Variants in HERC2 observed in about 807,000 individuals in gnomAD.
The protein encoded by HERC2 is E3 ubiquitin-protein ligase HERC2.
A neutral mutation model predicts 537.7 loss-of-function variants in HERC2; 102 were observed. The ratio of observed to expected loss-of-function variants is 0.19; its 90% CI spans 0.16 to 0.22. The LOEUF (loss-of-function observed/expected upper bound fraction) is 0.22. HERC2 is among the 10% of genes least tolerant of loss of function. The probability of loss-of-function intolerance (pLI) is 1.00; values close to 1 mark genes in which losing one functional copy is unlikely to be tolerated. For missense variants in HERC2, 4,236 were observed against 6,198.2 expected, an observed-to-expected ratio of 0.68 and a Z score of 10.63; for synonymous variants, 2,224 against 2,466.2, an observed-to-expected ratio of 0.90 and a Z score of 2.91.
At chr15:28,248,508 G>A in intron 21 of HERC2, 44 bp downstream of exon 21, 1 of 1,478,686 alleles carries the variant, frequency 6.8e-7, no homozygotes, top group Non-Finnish European at 9.4e-7. Context: ...AAAGTAACGA[G>A]CCCCGATCAC....
At chr15:28,211,741 T>A (rs573911635) in intron 43 of HERC2, among the ~76,000 whole-genome samples, 1 of 152,200 alleles carries the variant, frequency 6.6e-6, no homozygotes, top group African/African-American at 2.4e-5. Flanking sequence ...GTGATTTGCA[T>A]GCACTGCACC....
At position 28,229,209 on chromosome 15, in the gene HERC2, T is replaced by C; in HGVS notation, c.5258A>G (p.Lys1753Arg). The change falls in exon 34 of 93, where the codon AAA becomes AGA. Residue 1753 changes from lysine to arginine, a missense_variant. Lys to Arg is a conservative substitution (Grantham distance 26). Transcript: ENST00000261609. ...TATTGACTCACCAAGCTCTTTAAAT[T>C]TGGCACTGGCATCCATCAAAACATT... The part of the protein sequence containing the change: ...IRNVLMDASA[K>R]FKELGIQPVP... 1.2e-6 allele frequency: 2 copies of C among 1,612,658 alleles called. No homozygotes were observed. Among genetic ancestry groups the C allele is most frequent in the Non-Finnish European group, 1.7e-6 (2 of 1,179,726 alleles).
At chr15:28,272,585 G>A (rs2075765892) in intron 8 of HERC2, among the ~76,000 whole-genome samples, 199 bp from the exon 9 acceptor site, 1 of 151,632 alleles carries the variant, frequency 6.6e-6, no homozygotes, top group African/African-American at 2.4e-5. Context: ...CTGCTCATAA[G>A]AAAGACCAGT....
chr15:28,150,519 AG>A (rs1368443401), intron 70 of HERC2, among the ~76,000 whole-genome samples: 1 of 150,020 alleles, frequency 6.7e-6, no homozygotes, highest in East Asian at 2.0e-4. Flanking sequence ...CACCGAGAAC[AG>A]CCACATGAAC....
rs181686318 is a variant in HERC2, at chr15:28,269,492, T to C, written c.1258-56A>G. 452 of 1,406,090 alleles carry C rather than the reference T, an allele frequency of 3.2e-4. 2 individuals carry two copies. The African/African-American group carries it at 6.0e-3, about 19-fold the overall frequency. 87.1% of individuals were successfully genotyped at this position (1,406,090 alleles called of 1,614,324 possible). A position where few individuals can be genotyped will look rare whatever the true frequency, so the allele number is the denominator to read the frequency against. ...AACAACAACAACAATAAAAAAAGGC[T>C]GGGAGTAACACTGAGCTACTACAAA... On this transcript the variant is annotated intron_variant, in intron 10 of 92. Transcript: ENST00000261609.
chr15:28,279,533 G>A (rs962407899), intron 5 of HERC2, among the ~76,000 whole-genome samples: 3 of 151,806 alleles, frequency 2.0e-5, no homozygotes, highest in African/African-American at 7.3e-5. Context: ...AGAGCCAGGC[G>A]CAGTGTCTCA....
intron 79 of HERC2, 28 bp from the exon 80 acceptor site, chr15:28,132,858 A>G: frequency 4.0e-6 from 6 of 1,494,738 alleles, no homozygotes; most frequent in Non-Finnish European, 5.4e-6. Context: ...AATATAATGG[A>G]AACACATTTT....
chr15:28,229,777 T>C lies in HERC2; in HGVS notation c.4880A>G (p.Gln1627Arg), dbSNP rs752286727. The C allele has an allele frequency of 2.1e-6, 3 of 1,449,640 alleles. No individual in the cohort carries two copies. The highest frequency in any genetic ancestry group is 2.9e-6 in the Non-Finnish European group (3 of 1,031,928). The allele number at this position is 1,449,640 out of a possible 1,614,324, so 89.8% of individuals were successfully genotyped here. A position where few individuals can be genotyped will look rare whatever the true frequency, so the allele number is the denominator to read the frequency against. Reference sequence around the variant, plus strand: ...GAGTGGAGACTGCGGATAAAGACCCTGCACATTCTGCTTCAACCACTTGTA... The same window carrying C: ...GAGTGGAGACTGCGGATAAAGACCCCGCACATTCTGCTTCAACCACTTGTA... ...HKYKWLKQNVQGLYPQSPLLS... is the reference protein window; with the variant it reads ...HKYKWLKQNVRGLYPQSPLLS... The change falls in exon 32 of 93, where the codon CAG (glutamine) becomes CGG (arginine). Residue 1627 changes from glutamine (Q) to arginine (R), a missense_variant. Around this residue, in one of 27 missense-constraint regions of HERC2, gnomAD observed 343 missense variants for 417.2 expected, o/e 0.82. Coordinates refer to ENST00000261609, the MANE Select transcript of HERC2 (RefSeq NM_004667.6).
chr15:28,236,308 G>C (rs865861591), intron 26 of HERC2, among the ~76,000 whole-genome samples: 3 of 151,330 alleles, frequency 2.0e-5, no homozygotes, highest in Non-Finnish European at 1.5e-5. Flanking sequence ...CTCTCCTTTT[G>C]AGACGGAGTC....
At chr15:28,225,507 T>G (rs922059842) in intron 35 of HERC2, among the ~76,000 whole-genome samples, 12 of 151,484 alleles carry the variant, frequency 7.9e-5, no homozygotes, top group Non-Finnish European at 1.2e-4. Context: ...ACCATCCTGG[T>G]CAACACGGTG....
intron 2 of HERC2, among the ~76,000 whole-genome samples, chr15:28,314,647 G>T (rs1445516261): frequency 6.6e-6 from 1 of 152,026 alleles, no homozygotes; most frequent in African/African-American, 2.4e-5. Flanking sequence ...ATGAGGTCAG[G>T]AGTTCAAGAC....
In HERC2 at chr15:28,280,296, T is replaced by C; in HGVS notation, c.323-9A>G. On this transcript the variant is annotated splice_polypyrimidine_tract_variant and intron_variant, in intron 4 of 92. Coordinates refer to ENST00000261609, the MANE Select transcript of HERC2 (RefSeq NM_004667.6). ...CTTCAGTTCATTCACATCTAGAAAA[T>C]AAGACAAGAAAACATCTCACCTGTG... The C allele has an allele frequency of 6.3e-7, 1 of 1,597,370 alleles. No homozygotes were observed. Among genetic ancestry groups the C allele is most frequent in the Non-Finnish European group, 8.5e-7 (1 of 1,172,428 alleles).
chr15:28,242,188 G>GT (rs1903196466), intron 23 of HERC2, among the ~76,000 whole-genome samples: 1 of 152,222 alleles, frequency 6.6e-6, no homozygotes, highest in African/African-American at 2.4e-5. Flanking sequence ...TAGATGCATA[G>GT]TTTCAGTTGA....
At chr15:28,209,512 T>G (rs1401613850) in intron 44 of HERC2, among the ~76,000 whole-genome samples, 2 of 151,822 alleles carry the variant, frequency 1.3e-5, no homozygotes, top group African/African-American at 4.8e-5. Context: ...CCCAGCTAAT[T>G]TTTTGTATTT....
chr15:28,174,147 A>G (rs1475744477), intron 65 of HERC2, among the ~76,000 whole-genome samples: 4 of 152,174 alleles, frequency 2.6e-5, no homozygotes, highest in Non-Finnish European at 5.9e-5. Context: ...TCCTGTTCAC[A>G]CAGAAGGACA....
chr15:28,121,322 T>C, intron 86 of HERC2, 24 bp downstream of exon 86: 2 of 1,606,442 alleles, frequency 1.2e-6, no homozygotes, highest in Non-Finnish European at 1.7e-6. Context: ...CTGTCAGACT[T>C]GGAGAGTAAT....
chr15:28,251,905 A>G (rs1270928026), intron 20 of HERC2, among the ~76,000 whole-genome samples: 1 of 152,264 alleles, frequency 6.6e-6, no homozygotes, highest in Admixed American at 6.5e-5. Context: ...GAGATATTTT[A>G]CATAGGTTAT....
intron 4 of HERC2, among the ~76,000 whole-genome samples, chr15:28,290,565 A>C (rs570600669): frequency 7.2e-5 from 11 of 152,342 alleles, no homozygotes; most frequent in African/African-American, 2.6e-4. Flanking sequence ...CATTCCACAG[A>C]ATACACCATA....
intron 12 of HERC2, among the ~76,000 whole-genome samples, chr15:28,267,020 G>C: frequency 6.6e-6 from 1 of 152,210 alleles, no homozygotes; most frequent in Non-Finnish European, 1.5e-5. Flanking sequence ...ATGAGGCAGT[G>C]GGGATTAGGG....
Sources: gnomAD v4.1 joint callset for allele counts (sites outside exome capture counted in the v4.1 genomes callset) on GRCh38, gnomAD v4.1.1 for gene constraint, gnomAD v4.1.1 regional missense constraint, MANE v1.5 for transcripts, NCBI Gene and HGNC (gene_info 2026-07-23, HGNC 2026-07-21) for gene names.